The following DBF4B variants were observed in gnomAD, a reference collection of about 807,000 sequenced individuals.
The protein encoded by DBF4B is DBF4B-CDC7 kinase regulatory subunit, also known as protein DBF4 homolog B.
Under a neutral mutation model 53.4 loss-of-function variants are expected in DBF4B, and 49 were observed. The ratio of observed to expected loss-of-function variants is 0.92; its 90% CI spans 0.73 to 1.16. The LOEUF is 1.16. Among genes scored for constraint, DBF4B ranks in the 50% most tolerant of loss-of-function variants. The probability of loss-of-function intolerance (pLI) is 0.00; values close to 1 mark genes in which losing one functional copy is unlikely to be tolerated. For missense variants in DBF4B, 692 were observed against 775.0 expected, an observed-to-expected ratio of 0.89 and a Z score of 1.27; for synonymous variants, 257 against 288.7, an observed-to-expected ratio of 0.89 and a Z score of 1.11.
At chr17:44,714,438 T>C (rs1041471532) in intron 2 of DBF4B, among the ~76,000 whole-genome samples, 1 of 152,128 alleles carries the variant, frequency 6.6e-6, no homozygotes, top group African/African-American at 2.4e-5. Context: ...TATCCATCTA[T>C]ATGCCGATGT....
intron 13 of DBF4B, chr17:44,750,385 A>AGGG: frequency 7.3e-7 from 1 of 1,371,726 alleles, no homozygotes. Flanking sequence ...CAAAGGAAGA[A>AGGG]GGGGGGGCCC....
At chr17:44,748,669 T>G in intron 13 of DBF4B, 2 of 1,463,032 alleles carry the variant, frequency 1.4e-6, no homozygotes, top group Non-Finnish European at 1.8e-6. Flanking sequence ...GGAACTCTCC[T>G]CTGGCCCAGA....
chr17:44,744,578 G>A (rs1236723742), intron 10 of DBF4B, among the ~76,000 whole-genome samples: 2 of 151,988 alleles, frequency 1.3e-5, no homozygotes, highest in Non-Finnish European at 2.9e-5. Context: ...GCTCATTTGT[G>A]GAATAAATTC....
Position 44,741,454 on chromosome 17 carries a change from T to A in DBF4B, c.830+2T>A, listed in dbSNP as rs756217678. The A allele has an allele frequency of 1.9e-6, 3 of 1,578,468 alleles. No individual in the cohort carries two copies. The highest frequency in any genetic ancestry group is 2.3e-5 in the East Asian group (1 of 44,302). ...CCTGGGCAGCATGCACCATACCAGG[T>A]GGGTCTTTCTGGTTCCTGAGTACCA... On this transcript the variant is annotated splice_donor_variant, in intron 10 of 13. Coordinates refer to ENST00000315005, the MANE Select transcript of DBF4B (RefSeq NM_145663.3). LOFTEE classifies it high-confidence loss of function.
rs374094592 is a variant in DBF4B at position 44,751,919 on chromosome 17, T to C, written c.*666T>C. ...CCCTGCCCTTCCTCACCATTGCCCA[T>C]TCCCTCGTTCGTTCATTCAGCACAG... On this transcript the variant is annotated 3_prime_UTR_variant, in exon 14 of 14. Transcript: ENST00000315005. 99 of 1,535,896 alleles carry C rather than the reference T, an allele frequency of 6.4e-5. No individual in the cohort carries two copies. In the African/African-American group the frequency reaches 1.2e-3, roughly 18 times the overall value.
At chr17:44,731,850 T>C (rs1263802710) in intron 5 of DBF4B, 4 of 267,494 alleles carry the variant, frequency 1.5e-5, no homozygotes, top group Non-Finnish European at 2.9e-5. Flanking sequence ...GTTGTGTACT[T>C]ACTGTGCTGA....
chr17:44,722,267 C>A (rs1973918391), intron 2 of DBF4B, among the ~76,000 whole-genome samples: 1 of 152,144 alleles, frequency 6.6e-6, no homozygotes, highest in Admixed American at 6.6e-5. Flanking sequence ...TGTTGTTTTT[C>A]AAGAGCTGTC....
At chr17:44,715,962 A>G (rs1412122132) in intron 2 of DBF4B, among the ~76,000 whole-genome samples, 3 of 151,128 alleles carry the variant, frequency 2.0e-5, no homozygotes, top group Admixed American at 1.3e-4. Context: ...AGCTAGGACC[A>G]CAGGTGCATG....
intron 10 of DBF4B, among the ~76,000 whole-genome samples, chr17:44,743,449 C>T (rs1003801356): frequency 7.9e-5 from 12 of 152,134 alleles, no homozygotes; most frequent in African/African-American, 2.9e-4. Context: ...CACACCCAGC[C>T]TCCAGTTCTA....
chr17:44,710,621 G>A (rs756002180), intron 2 of DBF4B, among the ~76,000 whole-genome samples: 22 of 152,242 alleles, frequency 1.4e-4, no homozygotes, highest in African/African-American at 2.2e-4. Context: ...CTGGAGTGCA[G>A]TGGAGCAATC....
rs934178876 is a variant in DBF4B, at chr17:44,732,072, C to T, written c.469-106C>T. 36 of 1,061,238 alleles carry T rather than the reference C, an allele frequency of 3.4e-5. No homozygotes were observed. The African/African-American group carries it at 5.5e-4, about 16-fold the overall frequency. The allele number at this position is 1,061,238 out of a possible 1,614,324, so 65.7% of individuals were successfully genotyped here. ...TCTCCTACCTGCCTCCCTGCAGTCC[C>T]TCCCATGGATGACTCAGGCCTCCCA... is the stretch of plus-strand genomic sequence containing the variant. On this transcript the variant is annotated intron_variant, in intron 5 of 13. Transcript: ENST00000315005.
intron 7 of DBF4B, among the ~76,000 whole-genome samples, chr17:44,735,043 T>C (rs760339732): frequency 6.6e-5 from 10 of 151,842 alleles, no homozygotes; most frequent in Admixed American, 6.6e-4. Context: ...CATGTTGCAA[T>C]GAGTCATGAT....
intron 10 of DBF4B, among the ~76,000 whole-genome samples, chr17:44,744,444 G>A (rs1976408099): frequency 1.3e-5 from 2 of 151,668 alleles, no homozygotes; most frequent in African/African-American, 2.4e-5. Context: ...CCCTTTTATG[G>A]CTGCAGGGTA....
At chr17:44,740,441 A>T (rs1468238220) in intron 9 of DBF4B, among the ~76,000 whole-genome samples, 1 of 152,212 alleles carries the variant, frequency 6.6e-6, no homozygotes, top group African/African-American at 2.4e-5. Flanking sequence ...AACTTGAGGC[A>T]CACTGCCAGA....
At chr17:44,750,242 C>G in intron 13 of DBF4B, 1 of 1,035,924 alleles carries the variant, frequency 9.7e-7, no homozygotes, top group Non-Finnish European at 1.2e-6. Flanking sequence ...GCTATCGATT[C>G]TCTGGCCACT....
At position 44,732,147 on chromosome 17, in the gene DBF4B, G is replaced by A. The variant is rs774015318; in HGVS notation, c.469-31G>A. The stretch of plus-strand genomic sequence containing the variant: ...CACTTTCAGGCCTTGGGGAGTCTCT[G>A]CTCCTACCTGACTCTGTGTTGTAAT... On this transcript the variant is annotated intron_variant, in intron 5 of 13. Transcript: ENST00000315005. The A allele has an allele frequency of 5.6e-6, 9 of 1,611,760 alleles. No homozygotes were observed. In the Admixed American group the frequency reaches 1.5e-4, roughly 27 times the overall value.
chr17:44,729,165 T>C (rs1286210050), intron 3 of DBF4B, among the ~76,000 whole-genome samples: 1 of 151,740 alleles, frequency 6.6e-6, no homozygotes, highest in Non-Finnish European at 1.5e-5. Context: ...TTTTTAATAG[T>C]GGTAAAGTGT....
At chr17:44,730,665 AG>A (rs1974751563) in intron 4 of DBF4B, among the ~76,000 whole-genome samples, 1 of 152,216 alleles carries the variant, frequency 6.6e-6, no homozygotes, top group Non-Finnish European at 1.5e-5. Flanking sequence ...TGGAGGGTGC[AG>A]AGACTCTTAA....
chr17:44,748,976 G>A (rs2049193314), intron 13 of DBF4B: 2 of 1,289,756 alleles, frequency 1.6e-6, no homozygotes, highest in Admixed American at 2.3e-5. Context: ...CAGCCCTCCT[G>A]GCTGGGGAAA....
Sources: gnomAD v4.1 joint callset for allele counts (sites outside exome capture counted in the v4.1 genomes callset) on GRCh38, gnomAD v4.1.1 for gene constraint, MANE v1.5 for transcripts, NCBI Gene and HGNC (gene_info 2026-07-23, HGNC 2026-07-21) for gene names.